KIAA1328: variants seen among roughly 807,000 people sequenced by gnomAD.
KIAA1328 encodes KIAA1328.
In KIAA1328, 52 loss-of-function variants were observed where a neutral mutation model predicts 68.1. The observed-to-expected ratio is 0.76, with a 90% confidence interval of 0.61 to 0.96. The LOEUF is 0.96. KIAA1328 is among the 40% of genes least tolerant of loss of function. KIAA1328 has a pLI of 0.00. For synonymous variants in KIAA1328, 232 were observed against 239.4 expected (o/e 0.97, Z 0.28); for missense variants, 641 against 677.6 (o/e 0.95, Z 0.60).
At chr18:37,034,578 C>G (rs1395505630) in intron 6 of KIAA1328, among the ~76,000 whole-genome samples, 2 of 152,156 alleles carry the variant, frequency 1.3e-5, no homozygotes, top group Non-Finnish European at 2.9e-5. Context: ...TTACAGTTAA[C>G]TCTTAATACA....
rs71381582 is a variant in KIAA1328 at position 37,223,052 on chromosome 18, AC to A, written c.*832del. ...CCCAAGTGTTCAGCTTATTCACCCC[AC>A]CCCCCCACCCCCCATCACACGTGCT... On this transcript the variant is annotated 3_prime_UTR_variant, in exon 10 of 10. Transcript: ENST00000280020. 10 of 101,506 alleles carry A rather than the reference AC, an allele frequency of 9.9e-5. No individual in the cohort carries two copies. The highest frequency in any genetic ancestry group is 2.2e-4 in the African/African-American group (2 of 8,948). The allele number at this position is 101,506 out of a possible 1,614,324, so 6.3% of individuals were successfully genotyped here. A position where few individuals can be genotyped will look rare whatever the true frequency, so the allele number is the denominator to read the frequency against.
chr18:36,971,828 A>G (rs1219768304), intron 6 of KIAA1328, among the ~76,000 whole-genome samples: 1 of 152,106 alleles, frequency 6.6e-6, no homozygotes, highest in Non-Finnish European at 1.5e-5. Context: ...ACCCAAAGAG[A>G]GGAACAACAG....
At chr18:36,844,928 G>A (rs545817853) in intron 4 of KIAA1328, among the ~76,000 whole-genome samples, 50 of 151,850 alleles carry the variant, frequency 3.3e-4, no homozygotes, top group African/African-American at 1.1e-3. Context: ...TAAATTTACG[G>A]AGAGACCATA....
At chr18:36,985,602 G>A (rs1168025948) in intron 6 of KIAA1328, among the ~76,000 whole-genome samples, 1 of 152,100 alleles carries the variant, frequency 6.6e-6, no homozygotes, top group East Asian at 1.9e-4. Context: ...AACGGAGGAA[G>A]AATATTCTTT....
intron 6 of KIAA1328, among the ~76,000 whole-genome samples, chr18:36,974,872 G>T (rs1252742900): frequency 6.6e-6 from 1 of 152,172 alleles, no homozygotes; most frequent in East Asian, 1.9e-4. Flanking sequence ...ATAGGGCATT[G>T]TGTGATAAGA....
chr18:36,939,627 G>A (rs1029939099), intron 5 of KIAA1328, among the ~76,000 whole-genome samples: 1 of 151,882 alleles, frequency 6.6e-6, no homozygotes, highest in African/African-American at 2.4e-5. Flanking sequence ...CCAGCACTAC[G>A]TTGAATAAAA....
chr18:37,064,184 G>A (rs1383679085), intron 6 of KIAA1328, among the ~76,000 whole-genome samples: 1 of 152,124 alleles, frequency 6.6e-6, no homozygotes, highest in African/African-American at 2.4e-5. Flanking sequence ...TGCTGTACAG[G>A]ATTGCCTGTG....
intron 6 of KIAA1328, among the ~76,000 whole-genome samples, chr18:36,980,501 A>G (rs1017570668): frequency 2.0e-5 from 3 of 152,208 alleles, no homozygotes; most frequent in Non-Finnish European, 4.4e-5. Flanking sequence ...GAGCAGTGGC[A>G]TGTCGTATGG....
At chr18:37,065,196 A>AT (rs1026488863) in intron 6 of KIAA1328, among the ~76,000 whole-genome samples, 2 of 152,178 alleles carry the variant, frequency 1.3e-5, no homozygotes, top group African/African-American at 2.4e-5. Context: ...TACACAGAAG[A>AT]TTTTTTGGAT....
chr18:36,957,573 C>G (rs2051473561), intron 5 of KIAA1328, among the ~76,000 whole-genome samples: 1 of 151,948 alleles, frequency 6.6e-6, no homozygotes, highest in Admixed American at 6.6e-5. Context: ...TTCTTTGTAC[C>G]AAATTATAAA....
At chr18:36,832,262 A>G (rs974502200) in intron 1 of KIAA1328, among the ~76,000 whole-genome samples, 2 of 152,326 alleles carry the variant, frequency 1.3e-5, no homozygotes, top group East Asian at 1.9e-4. Context: ...TATATTTGAA[A>G]ATAAATTTGT....
chr18:36,957,055 CTATCAT>C (rs2051449028), intron 5 of KIAA1328, among the ~76,000 whole-genome samples: 1 of 152,172 alleles, frequency 6.6e-6, no homozygotes, highest in Non-Finnish European at 1.5e-5. Context: ...AGCTCCTCTT[CTATCAT>C]CTACCTCTGG....
At chr18:36,985,089 G>A (rs1264491109) in intron 6 of KIAA1328, among the ~76,000 whole-genome samples, 2 of 151,836 alleles carry the variant, frequency 1.3e-5, no homozygotes, top group African/African-American at 4.8e-5. Flanking sequence ...ATTACTTGAG[G>A]GTAGGAGTTC....
chr18:37,036,025 A>T (rs916446900), intron 6 of KIAA1328, among the ~76,000 whole-genome samples: 4 of 152,046 alleles, frequency 2.6e-5, no homozygotes, highest in Non-Finnish European at 5.9e-5. Context: ...AGATAATTCT[A>T]TGTTTAGAGT....
At chr18:37,000,290 A>G (rs1016447140) in intron 6 of KIAA1328, among the ~76,000 whole-genome samples, 1 of 152,172 alleles carries the variant, frequency 6.6e-6, no homozygotes, top group Non-Finnish European at 1.5e-5. Context: ...TAAAAGGATC[A>G]ATGCAGCAAG....
intron 8 of KIAA1328, among the ~76,000 whole-genome samples, chr18:37,161,135 C>A (rs927914422): frequency 6.6e-6 from 1 of 152,118 alleles, no homozygotes; most frequent in Admixed American, 6.6e-5. Context: ...TGTCTTTTTT[C>A]CCTTCTCAAA....
intron 4 of KIAA1328, among the ~76,000 whole-genome samples, chr18:36,872,671 G>T (rs943303603): frequency 2.0e-5 from 3 of 152,236 alleles, no homozygotes; most frequent in Middle Eastern, 3.4e-3. Flanking sequence ...TCCTACCCAA[G>T]ATGTCCAGAT....
At chr18:37,131,923 A>G (rs1205787653) in intron 7 of KIAA1328, among the ~76,000 whole-genome samples, 1 of 152,204 alleles carries the variant, frequency 6.6e-6, no homozygotes, top group African/African-American at 2.4e-5. Context: ...ACAAAAGACA[A>G]GAAATCCAGG....
intron 5 of KIAA1328, among the ~76,000 whole-genome samples, chr18:36,901,337 G>A (rs2049031836): frequency 6.6e-6 from 1 of 152,026 alleles, no homozygotes; most frequent in South Asian, 2.1e-4. Context: ...CATGTCAAAT[G>A]TGACAGCAGA....
Sources: allele counts gnomAD v4.1 joint callset (sites outside exome capture counted in the v4.1 genomes callset), GRCh38; gene constraint gnomAD v4.1.1; transcripts MANE v1.5; gene names NCBI Gene and HGNC (gene_info 2026-07-23, HGNC 2026-07-21).